Variants in ZSWIM8 observed in about 807,000 individuals in gnomAD.
ZSWIM8 encodes the protein zinc finger SWIM-type containing 8, also known as zinc finger SWIM domain-containing protein 8.
In ZSWIM8, 27 loss-of-function variants were observed where a neutral mutation model predicts 173.7. That is an observed-to-expected ratio of 0.16 (90% CI 0.11 to 0.21). ZSWIM8 has a LOEUF of 0.21. ZSWIM8 is among the 10% of genes least tolerant of loss of function. The pLI is 1.00. For missense variants in ZSWIM8, 1,627 were observed against 2,428.8 expected (o/e 0.67, Z 6.94); for synonymous variants, 958 against 962.0 (o/e 1.00, Z 0.08).
chr10:73,801,066 G>A lies in ZSWIM8; in HGVS notation c.5172G>A (p.Leu1724=). Residue 1724 remains leucine, a synonymous_variant, in exon 25 of 26, where the codon CTG becomes CTA. Coordinates refer to ENST00000604729, the MANE Select transcript of ZSWIM8 (RefSeq NM_001367799.1). The surrounding 1 kb of genome is among the most constrained non-coding windows in gnomAD (Gnocchi z 4.9). ...QFCVGAAKGV[L]SPFVLQEIVM... is the part of the protein sequence containing the mutation. Reference sequence around the variant, plus strand: ...GTGTGGGGGCAGCCAAGGGGGTGCTGAGCCCGTTTGTGCTGCAGGAGATCG... The same window carrying A: ...GTGTGGGGGCAGCCAAGGGGGTGCTAAGCCCGTTTGTGCTGCAGGAGATCG... 1 of 1,561,368 alleles carries A rather than the reference G, an allele frequency of 6.4e-7. No homozygotes were observed. The highest frequency in any genetic ancestry group is 8.7e-7 in the Non-Finnish European group (1 of 1,153,010).
At position 73,789,609 on chromosome 10, in the gene ZSWIM8, C is replaced by A; in HGVS notation, c.630+70C>A. 2 of 1,569,102 alleles carry A rather than the reference C, an allele frequency of 1.3e-6. No individual in the cohort carries two copies. The highest frequency in any genetic ancestry group is 1.8e-5 in the Admixed American group (1 of 55,044). On this transcript the variant is annotated intron_variant, in intron 4 of 25. Transcript: ENST00000604729. The surrounding 1 kb of genome is among the most constrained non-coding windows in gnomAD (Gnocchi z 6.8). ...CCCCCCTTCTCTGCTGCATGCCTGG[C>A]TACAATGTGAGCCCCCTCGCCTCGC...
In ZSWIM8 at chr10:73,790,000, C is replaced by T. The variant is rs1195739156; in HGVS notation, c.783C>T (p.Ser261=). Residue 261 remains serine, a synonymous_variant, in exon 6 of 26, where the codon TCC becomes TCT. Transcript: ENST00000604729. The surrounding 1 kb of genome is among the most constrained non-coding windows in gnomAD (Gnocchi z 6.8). Reference sequence around the variant, plus strand: ...GTCTCCTGGACGAACTCCTGTCTTCCCAGTCAACAGCCATCAATACAGTGT... The same window carrying T: ...GTCTCCTGGACGAACTCCTGTCTTCTCAGTCAACAGCCATCAATACAGTGT... ...AQRLLDELLS[S]QSTAINTVCG... is the part of the protein sequence containing the mutation. 1.9e-6 allele frequency: 3 copies of T among 1,613,284 alleles called. No individual in the cohort carries two copies. The highest frequency in any genetic ancestry group is 2.5e-6 in the Non-Finnish European group (3 of 1,179,672).
In ZSWIM8 at chr10:73,801,308, T is replaced by C. The variant is rs1475981501; in HGVS notation, c.5302-8T>C. On this transcript the variant is annotated splice_region_variant and splice_polypyrimidine_tract_variant and intron_variant, in intron 25 of 25. Transcript: ENST00000604729. This position sits in a 1 kb window ranked among gnomAD's most constrained non-coding sequence, Gnocchi z 4.9. ...ACTAAGGCTCATCCTGCACACATCC[T>C]CCTCCAGTACATCCACCACCGCTTG... is the stretch of plus-strand genomic sequence containing the variant. 1.2e-6 allele frequency: 2 copies of C among 1,613,326 alleles called. No individual in the cohort carries two copies. The highest frequency in any genetic ancestry group is 2.7e-5 in the African/African-American group (2 of 74,856).
In ZSWIM8 at chr10:73,800,629, C is replaced by G. The variant is rs1338897081; in HGVS notation, c.5003-11C>G. ...CACCGTACCATGTGCCCACCCTTAT[C>G]TATCTCCCAGGAATGCTGGCACTGG... On this transcript the variant is annotated splice_polypyrimidine_tract_variant and intron_variant, in intron 23 of 25. Transcript: ENST00000604729. The surrounding 1 kb of genome is among the most constrained non-coding windows in gnomAD (Gnocchi z 4.1). The G allele has an allele frequency of 6.2e-7, 1 of 1,613,212 alleles. No individual in the cohort carries two copies. The highest frequency in any genetic ancestry group is 8.5e-7 in the Non-Finnish European group (1 of 1,179,500).
intron 13 of ZSWIM8, 56 bp from the exon 14 acceptor site, chr10:73,794,485 A>AT: frequency 6.4e-7 from 1 of 1,570,246 alleles, no homozygotes; most frequent in East Asian, 2.3e-5. Flanking sequence ...GTTCCCCTGT[A>AT]TTTTTTCCCA....
chr10:73,789,662 C>A lies in ZSWIM8; in HGVS notation c.631-55C>A. The A allele has an allele frequency of 1.3e-6, 2 of 1,555,078 alleles. No individual in the cohort carries two copies. Among genetic ancestry groups the A allele is most frequent in the South Asian group, 2.4e-5 (2 of 84,844 alleles). The stretch of plus-strand genomic sequence containing the variant: ...ACTCTGCCTCTCTGTCCCCCAGCTC[C>A]AGCTCCAGCAAACCTGTTCTCAGAT... On this transcript the variant is annotated intron_variant, in intron 4 of 25. Coordinates refer to ENST00000604729, the MANE Select transcript of ZSWIM8 (RefSeq NM_001367799.1). This position sits in a 1 kb window ranked among gnomAD's most constrained non-coding sequence, Gnocchi z 6.8.
Position 73,792,346 on chromosome 10 carries a change from A to G in ZSWIM8, c.1807A>G (p.Ser603Gly). ...GAGCAAGGGCTCAGCAGGTGGCGGA[A>G]GCAAGCGACGGCTGAGCAGCGAAGA... ...SGSKGSAGGG[S>G]KRRLSSEDSS... Residue 603 changes from serine (S) to glycine (G), a missense_variant, in exon 10 of 26, where the codon AGC becomes GGC. Around this residue, in one of 18 missense-constraint regions of ZSWIM8, gnomAD observed 383 missense variants for 394.8 expected, o/e 0.97. Transcript: ENST00000604729. The surrounding 1 kb of genome is among the most constrained non-coding windows in gnomAD (Gnocchi z 4.3). 1 of 1,612,352 alleles carries G rather than the reference A, an allele frequency of 6.2e-7. No individual in the cohort carries two copies. Among genetic ancestry groups the G allele is most frequent in the Non-Finnish European group, 8.5e-7 (1 of 1,179,242 alleles).
chr10:73,794,840 C>A, intron 14 of ZSWIM8: 1 of 408,974 alleles, frequency 2.4e-6, no homozygotes, highest in South Asian at 2.5e-5. Context: ...GTAATCGCAG[C>A]GCTTTGGGAG....
In ZSWIM8 at chr10:73,800,566, G is replaced by A; in HGVS notation, c.5003-74G>A. 1 of 1,602,494 alleles carries A rather than the reference G, an allele frequency of 6.2e-7. No homozygotes were observed. Among genetic ancestry groups the A allele is most frequent in the Non-Finnish European group, 8.5e-7 (1 of 1,173,122 alleles). ...CTAGCTCTTCATTTGTTTACTGTGG[G>A]GTCAGGTGACAGGTTGGGGTAAAGG... is the stretch of plus-strand genomic sequence containing the variant. On this transcript the variant is annotated intron_variant, in intron 23 of 25. Transcript: ENST00000604729. This position sits in a 1 kb window ranked among gnomAD's most constrained non-coding sequence, Gnocchi z 4.1.
rs752885633 is a variant in ZSWIM8, at chr10:73,797,321, G to A, written c.3433+50G>A. ...AGAGGGAAGGATAATCCTGAAGGTT[G>A]GAGTCTTAACATCTGGGACTCCTGA... On this transcript the variant is annotated intron_variant, in intron 17 of 25. Transcript: ENST00000604729. The surrounding 1 kb of genome is among the most constrained non-coding windows in gnomAD (Gnocchi z 5.6). The A allele has an allele frequency of 7.4e-6, 12 of 1,612,946 alleles. No individual in the cohort carries two copies. The African/African-American group carries it at 1.5e-4, about 20-fold the overall frequency.
chr10:73,800,500 T>C lies in ZSWIM8; in HGVS notation c.5002+28T>C. ...GAGAGGACATCCCTTTCTGTGCTCC[T>C]ACCTGCAGTTGTGCCAGTGGCTCTT... On this transcript the variant is annotated intron_variant, in intron 23 of 25. Transcript: ENST00000604729. This position sits in a 1 kb window ranked among gnomAD's most constrained non-coding sequence, Gnocchi z 4.1. 1.2e-6 allele frequency: 2 copies of C among 1,611,694 alleles called. No homozygotes were observed. The highest frequency in any genetic ancestry group is 1.7e-6 in the Non-Finnish European group (2 of 1,178,586).
Position 73,799,049 on chromosome 10 carries a change from T to C in ZSWIM8, c.4224T>C (p.Ala1408=). The C allele has an allele frequency of 1.2e-6, 2 of 1,613,600 alleles. No homozygotes were observed. Among genetic ancestry groups the C allele is most frequent in the Non-Finnish European group, 1.7e-6 (2 of 1,179,610 alleles). The change falls in exon 21 of 26, where the codon GCT becomes GCC. Residue 1408 remains alanine, a synonymous_variant. Coordinates refer to ENST00000604729, the MANE Select transcript of ZSWIM8 (RefSeq NM_001367799.1). ...EKACMAVEEA[A]KGGGVYPEVL... ...CCTGCATGGCAGTGGAAGAGGCAGC[T>C]AAGGGTGGGGGCGTGTACCCTGAAG...
chr10:73,790,680 C>G (rs2083385990), intron 7 of ZSWIM8, among the ~76,000 whole-genome samples: 1 of 152,084 alleles, frequency 6.6e-6, no homozygotes, highest in South Asian at 2.1e-4. Context: ...GAATCTCCAT[C>G]TCTACTAAAA....
At position 73,785,800 on chromosome 10, in the gene ZSWIM8, G is replaced by T; in HGVS notation, c.-79G>T. 6.9e-7 allele frequency: 1 copy of T among 1,443,862 alleles called. No individual in the cohort carries two copies. The highest frequency in any genetic ancestry group is 9.2e-7 in the Non-Finnish European group (1 of 1,082,682). The allele number at this position is 1,443,862 out of a possible 1,614,324, so 89.4% of individuals were successfully genotyped here. A position where few individuals can be genotyped will look rare whatever the true frequency, so the allele number is the denominator to read the frequency against. On this transcript the variant is annotated 5_prime_UTR_variant, in exon 1 of 26. Coordinates refer to ENST00000604729, the MANE Select transcript of ZSWIM8 (RefSeq NM_001367799.1). ...GCCCCGGCTCGCCCCTCAGGCCCCG[G>T]GCCTCCCCTCAACCCCCGGCCGGCG...
In ZSWIM8 at chr10:73,799,229, A is replaced by G; in HGVS notation, c.4404A>G (p.Pro1468=). 1.9e-6 allele frequency: 3 copies of G among 1,604,876 alleles called. No homozygotes were observed. Among genetic ancestry groups the G allele is most frequent in the Non-Finnish European group, 8.5e-7 (1 of 1,175,674 alleles). The change falls in exon 21 of 26, where the codon CCA becomes CCG. Residue 1468 remains proline, a synonymous_variant. Coordinates refer to ENST00000604729, the MANE Select transcript of ZSWIM8 (RefSeq NM_001367799.1). The stretch of plus-strand genomic sequence containing the variant: ...GTATGCCTGAGGGTAGAGGGGGCCC[A>G]GGGACTGAGCCGGTTACAGTGGCAG... ...GRGMPEGRGG[P]GTEPVTVAAA...
Position 73,792,884 on chromosome 10 carries a change from C to T in ZSWIM8, c.2313+32C>T, listed in dbSNP as rs746132328. 1 of 1,516,220 alleles carries T rather than the reference C, an allele frequency of 6.6e-7. No individual in the cohort carries two copies. The highest frequency in any genetic ancestry group is 2.0e-5 in the Admixed American group (1 of 49,274). The allele number at this position is 1,516,220 out of a possible 1,614,324, so 93.9% of individuals were successfully genotyped here. A position where few individuals can be genotyped will look rare whatever the true frequency, so the allele number is the denominator to read the frequency against. ...GGATGGAAGGAGGGAGGGCTGGGTG[C>T]TCCTTAGCCACAACTGGGAGGGGCT... On this transcript the variant is annotated intron_variant, in intron 10 of 25. Coordinates refer to ENST00000604729, the MANE Select transcript of ZSWIM8 (RefSeq NM_001367799.1). The surrounding 1 kb of genome is among the most constrained non-coding windows in gnomAD (Gnocchi z 4.3).
chr10:73,791,638 A>G lies in ZSWIM8; in HGVS notation c.1319+139A>G. The stretch of plus-strand genomic sequence containing the variant: ...GGAGGTGCTGAGCACTGGTGTTAGC[A>G]GTGATTTACGAGTCCTTTTTCTGAG... On this transcript the variant is annotated intron_variant, in intron 9 of 25. Transcript: ENST00000604729. This position sits in a 1 kb window ranked among gnomAD's most constrained non-coding sequence, Gnocchi z 6.0. 8.5e-7 allele frequency: 1 copy of G among 1,174,024 alleles called. No individual in the cohort carries two copies. The highest frequency in any genetic ancestry group is 1.2e-6 in the Non-Finnish European group (1 of 862,780). The allele number at this position is 1,174,024 out of a possible 1,614,324, so 72.7% of individuals were successfully genotyped here. A position where few individuals can be genotyped will look rare whatever the true frequency, so the allele number is the denominator to read the frequency against.
rs900525278 is a variant in ZSWIM8, at chr10:73,791,777, C to T, written c.1320-82C>T. 154 of 1,430,776 alleles carry T rather than the reference C, an allele frequency of 1.1e-4. No individual in the cohort carries two copies. Among genetic ancestry groups the T allele is most frequent in the Non-Finnish European group, 1.4e-4 (150 of 1,082,382 alleles). 88.6% of individuals were successfully genotyped at this position (1,430,776 alleles called of 1,614,324 possible). A position where few individuals can be genotyped will look rare whatever the true frequency, so the allele number is the denominator to read the frequency against. On this transcript the variant is annotated intron_variant, in intron 9 of 25. Coordinates refer to ENST00000604729, the MANE Select transcript of ZSWIM8 (RefSeq NM_001367799.1). This position sits in a 1 kb window ranked among gnomAD's most constrained non-coding sequence, Gnocchi z 6.0. ...TACTTTCCTGTATCCTTTCCCCATG[C>T]CTCTCTTTGGGGTGTACACCTACTC...
chr10:73,798,888 T>C, intron 20 of ZSWIM8, 114 bp from the exon 21 acceptor site: 1 of 1,410,352 alleles, frequency 7.1e-7, no homozygotes, highest in Non-Finnish European at 9.6e-7. Flanking sequence ...GACACTGACC[T>C]CTGATGATTC....
Sources: allele counts gnomAD v4.1 joint callset (sites outside exome capture counted in the v4.1 genomes callset), GRCh38; gene constraint gnomAD v4.1.1; regional missense constraint gnomAD v4.1.1; non-coding constraint Gnocchi (gnomAD v3.1); transcripts MANE v1.5; gene names NCBI Gene and HGNC (gene_info 2026-07-23, HGNC 2026-07-21).